CALCRL: variants seen among roughly 807,000 people sequenced by gnomAD.
CALCRL encodes the protein calcitonin gene-related peptide type 1 receptor.
A neutral mutation model predicts 60.4 loss-of-function variants in CALCRL; 27 were observed. That is an observed-to-expected ratio of 0.45 (90% confidence interval 0.33 to 0.62). The LOEUF (loss-of-function observed/expected upper bound fraction) is 0.62. Among genes scored for constraint, CALCRL ranks in the 20% least tolerant of loss-of-function variants. The pLI, the probability that CALCRL is intolerant of heterozygous loss-of-function variation, is 0.03. For missense variants in CALCRL, 424 were observed against 540.7 expected (o/e 0.78, Z 2.14); for synonymous variants, 190 against 182.6 (o/e 1.04, Z -0.33).
At chr2:187,403,951 A>C (rs1689005573) in intron 1 of CALCRL, among the ~76,000 whole-genome samples, 1 of 151,974 alleles carries the variant, frequency 6.6e-6, no homozygotes, top group African/African-American at 2.4e-5. Context: ...CTGCCGCTTA[A>C]GAACAACACG....
chr2:187,356,822 G>A (rs1574215346), intron 12 of CALCRL, among the ~76,000 whole-genome samples: 1 of 151,722 alleles, frequency 6.6e-6, no homozygotes, highest in Admixed American at 6.6e-5. Context: ...AACAATCAAC[G>A]CCATCAAAAA....
At chr2:187,403,303 C>CT (rs1688972747) in intron 1 of CALCRL, among the ~76,000 whole-genome samples, 1 of 151,810 alleles carries the variant, frequency 6.6e-6, no homozygotes. Context: ...GTTCCAATCA[C>CT]TACTATAGAG....
At chr2:187,439,513 CA>C (rs969540899) in intron 1 of CALCRL, among the ~76,000 whole-genome samples, 10 of 151,230 alleles carry the variant, frequency 6.6e-5, no homozygotes, top group African/African-American at 1.7e-4. Context: ...AAAAAACCAA[CA>C]AAAAAACAGT....
intron 1 of CALCRL, among the ~76,000 whole-genome samples, chr2:187,432,437 C>A (rs1447581111): frequency 6.6e-6 from 1 of 151,822 alleles, no homozygotes; most frequent in African/African-American, 2.4e-5. Context: ...TCTACTATAC[C>A]CAACAATAAT....
intron 12 of CALCRL, among the ~76,000 whole-genome samples, chr2:187,354,663 C>A (rs1686691277): frequency 6.6e-6 from 1 of 151,968 alleles, no homozygotes; most frequent in African/African-American, 2.4e-5. Flanking sequence ...GGTTCCTAAT[C>A]TTGTTTTAGG....
At chr2:187,385,279 T>G (rs1330735654) in intron 4 of CALCRL, among the ~76,000 whole-genome samples, 1 of 152,160 alleles carries the variant, frequency 6.6e-6, no homozygotes, top group Non-Finnish European at 1.5e-5. Context: ...TCATTCCATT[T>G]TTTTTTCAAT....
At chr2:187,403,274 A>C (rs3821182) in intron 1 of CALCRL, among the ~76,000 whole-genome samples, 22,883 of 151,836 alleles carry the variant, frequency 0.15, 2,373 homozygotes, top group East Asian at 0.4. Context: ...CTGAAATTCA[A>C]TCATGGGTAT....
At chr2:187,396,483 A>T (rs1462393468) in intron 1 of CALCRL, among the ~76,000 whole-genome samples, 2 of 151,834 alleles carry the variant, frequency 1.3e-5, no homozygotes, top group Non-Finnish European at 2.9e-5. Flanking sequence ...GGCTACATTG[A>T]GTTTTTATCT....
chr2:187,379,456 T>A (rs1045439304), intron 7 of CALCRL, among the ~76,000 whole-genome samples: 4 of 152,166 alleles, frequency 2.6e-5, no homozygotes, highest in Non-Finnish European at 5.9e-5. Flanking sequence ...GAGTTTCTTT[T>A]TCCTTTGACA....
intron 1 of CALCRL, chr2:187,415,735 G>A (rs1689575902): frequency 5.7e-6 from 3 of 523,414 alleles, no homozygotes; most frequent in Non-Finnish European, 1.0e-5. Context: ...CAGTGAGGGG[G>A]CTGGCATTGC....
At chr2:187,362,534 A>G (rs1181839836) in intron 9 of CALCRL, among the ~76,000 whole-genome samples, 1 of 151,524 alleles carries the variant, frequency 6.6e-6, no homozygotes, top group African/African-American at 2.4e-5. Flanking sequence ...TCCTGATTTC[A>G]GTCACTAGAT....
At chr2:187,349,754 A>G (rs1233257178) in intron 14 of CALCRL, among the ~76,000 whole-genome samples, 1 of 151,648 alleles carries the variant, frequency 6.6e-6, no homozygotes, top group African/African-American at 2.4e-5. Context: ...TTTTGTTTAC[A>G]CAGATCGAGT....
chr2:187,427,078 A>G (rs1025589337), intron 1 of CALCRL, among the ~76,000 whole-genome samples: 3 of 152,148 alleles, frequency 2.0e-5, no homozygotes, highest in African/African-American at 7.2e-5. Context: ...AAGATTCAGA[A>G]TGGGTGATAC....
At chr2:187,421,443 C>T (rs902872310) in intron 1 of CALCRL, among the ~76,000 whole-genome samples, 1 of 152,148 alleles carries the variant, frequency 6.6e-6, no homozygotes, top group South Asian at 2.1e-4. Flanking sequence ...GGATGGTTTG[C>T]AAGCCAGTCT....
At chr2:187,388,338 G>A (rs1051628731) in intron 1 of CALCRL, among the ~76,000 whole-genome samples, 1 of 151,926 alleles carries the variant, frequency 6.6e-6, no homozygotes, top group Non-Finnish European at 1.5e-5. Flanking sequence ...TTGTGGAAGA[G>A]TTGAAAATAG....
At chr2:187,372,135 C>CT (rs566753093) in intron 8 of CALCRL, among the ~76,000 whole-genome samples, 16 of 151,036 alleles carry the variant, frequency 1.1e-4, no homozygotes, top group African/African-American at 3.6e-4. Context: ...CAAAGACGTT[C>CT]TTTAAAAAAA....
chr2:187,403,456 C>T (rs74372114), intron 1 of CALCRL, among the ~76,000 whole-genome samples: 95 of 151,984 alleles, frequency 6.3e-4, no homozygotes, highest in African/African-American at 2.0e-3. Flanking sequence ...TCACGCCCAT[C>T]GTCATAGGAC....
In CALCRL at chr2:187,359,730, A is replaced by T. The variant is rs141338493; in HGVS notation, c.782-458T>A. 7.9e-5 allele frequency among the ~76,000 whole-genome samples: 12 copies of T among 152,242 alleles called. 1 individual carries two copies. The East Asian group carries it at 2.3e-3, about 29-fold the overall frequency. On this transcript the variant is annotated intron_variant, in intron 10 of 14. Transcript: ENST00000392370. ...CATTATTTGAAGAAGAGAAGAAGAA[A>T]AAAAGTGATTAATTTATGTACCAAA...
intron 1 of CALCRL, among the ~76,000 whole-genome samples, chr2:187,446,590 A>C (rs550622028): frequency 1.1e-4 from 17 of 151,704 alleles, no homozygotes; most frequent in Non-Finnish European, 2.2e-4. Context: ...TGTTGTTTTA[A>C]TTTTTGTTAC....
Sources: gnomAD v4.1 joint callset for allele counts (sites outside exome capture counted in the v4.1 genomes callset) on GRCh38, gnomAD v4.1.1 for gene constraint, MANE v1.5 for transcripts, NCBI Gene and HGNC (gene_info 2026-07-23, HGNC 2026-07-21) for gene names.